Variants in KCNK5 observed in about 807,000 individuals in gnomAD.
KCNK5 encodes potassium two pore domain channel subfamily K member 5.
KCNK5 carries 18 observed loss-of-function variants against 32.9 expected under a neutral mutation model. The observed-to-expected ratio is 0.55, with a 90% CI of 0.38 to 0.81. The LOEUF (loss-of-function observed/expected upper bound fraction) is 0.81. Ranked by LOEUF, KCNK5 falls within the 30% of genes least tolerant of loss-of-function variation. The probability of loss-of-function intolerance (pLI) is 0.00; values close to 1 mark genes in which losing one functional copy is unlikely to be tolerated. For synonymous variants in KCNK5, 276 were observed against 275.3 expected (o/e 1.00, Z -0.03); for missense variants, 507 against 651.0 (o/e 0.78, Z 2.41).
At chr6:39,214,096 A>G (rs1771389148) in intron 1 of KCNK5, among the ~76,000 whole-genome samples, 2 of 152,148 alleles carry the variant, frequency 1.3e-5, no homozygotes, top group Admixed American at 6.5e-5. Context: ...GACCATATGC[A>G]GCAGCTCTCA....
Position 39,229,332 on chromosome 6 carries a change from G to T in KCNK5, c.-221C>A, listed in dbSNP as rs1051803071. 1.7e-6 allele frequency: 1 copy of T among 591,414 alleles called. No homozygotes were observed. Among genetic ancestry groups the T allele is most frequent in the African/African-American group, 1.9e-5 (1 of 53,622 alleles). The allele number at this position is 591,414 out of a possible 1,614,324, so 36.6% of individuals were successfully genotyped here. ...GCGTGGGGCCCCACTCACGCGGCCC[G>T]GGGTGGGCGAACACCAGCGGGGCTG... On this transcript the variant is annotated 5_prime_UTR_variant, in exon 1 of 5. Transcript: ENST00000359534.
At chr6:39,204,108 C>T (rs960300024) in intron 1 of KCNK5, among the ~76,000 whole-genome samples, 6 of 152,262 alleles carry the variant, frequency 3.9e-5, no homozygotes, top group Non-Finnish European at 8.8e-5. Flanking sequence ...GGGCCACACC[C>T]GTCTCCTCGA....
intron 1 of KCNK5, among the ~76,000 whole-genome samples, chr6:39,218,102 G>T (rs1419981600): frequency 3.5e-5 from 5 of 140,890 alleles, no homozygotes; most frequent in Non-Finnish European, 7.6e-5. Context: ...ATGGAGTCTA[G>T]CTTTGTCACC....
intron 2 of KCNK5, among the ~76,000 whole-genome samples, chr6:39,195,470 CCAGT>C (rs1295888722): frequency 6.6e-6 from 1 of 152,210 alleles, no homozygotes; most frequent in Non-Finnish European, 1.5e-5. Flanking sequence ...CCAGCTGAGC[CCAGT>C]CAAGCTGACA....
chr6:39,194,429 A>AG lies in KCNK5; in HGVS notation c.466-93_466-92insC. The AG allele has an allele frequency of 2.0e-6, 3 of 1,468,546 alleles. No individual in the cohort carries two copies. Among genetic ancestry groups the AG allele is most frequent in the Non-Finnish European group, 2.8e-6 (3 of 1,083,382 alleles). 91.0% of individuals were successfully genotyped at this position (1,468,546 alleles called of 1,614,324 possible). On this transcript the variant is annotated intron_variant, in intron 3 of 4. Coordinates refer to ENST00000359534, the MANE Select transcript of KCNK5 (RefSeq NM_003740.4). This position sits in a 1 kb window ranked among gnomAD's most constrained non-coding sequence, Gnocchi z 4.7. ...AGGGCCAGGGAGGCAGCTAGAGGAG[A>AG]AGCTAGCTGGGTACCCAGCCTGACC...
intron 1 of KCNK5, among the ~76,000 whole-genome samples, chr6:39,216,931 G>A (rs529443990): frequency 3.4e-4 from 52 of 152,010 alleles, no homozygotes; most frequent in Non-Finnish European, 5.1e-4. Flanking sequence ...AGAACCGCCT[G>A]ACCAACATGG....
chr6:39,225,824 C>G (rs781237780), intron 1 of KCNK5, among the ~76,000 whole-genome samples: 2 of 152,206 alleles, frequency 1.3e-5, no homozygotes, highest in Non-Finnish European at 1.5e-5. Flanking sequence ...CCGTCCCGCC[C>G]CATAGGCTGT....
chr6:39,222,563 C>T (rs1052948867), intron 1 of KCNK5, among the ~76,000 whole-genome samples: 2 of 152,190 alleles, frequency 1.3e-5, no homozygotes, highest in Non-Finnish European at 2.9e-5. Flanking sequence ...TCATGTGACT[C>T]TCACCTCCCT....
At chr6:39,195,526 T>A (rs1269571896) in intron 2 of KCNK5, among the ~76,000 whole-genome samples, 1 of 152,224 alleles carries the variant, frequency 6.6e-6, no homozygotes, top group African/African-American at 2.4e-5. Context: ...GCCAAACTTC[T>A]GGACTGGTTG....
At chr6:39,225,182 G>A (rs374008087) in intron 1 of KCNK5, among the ~76,000 whole-genome samples, 96 of 152,196 alleles carry the variant, frequency 6.3e-4, no homozygotes, top group African/African-American at 2.1e-3. Flanking sequence ...CCAGCAGCTC[G>A]GAGTGTAGCC....
Position 39,194,456 on chromosome 6 carries a change from G to C in KCNK5, c.466-119C>G, listed in dbSNP as rs1005664561. 24 of 1,410,666 alleles carry C rather than the reference G, an allele frequency of 1.7e-5. No individual in the cohort carries two copies. Among genetic ancestry groups the C allele is most frequent in the Non-Finnish European group, 2.3e-5 (24 of 1,034,028 alleles). The allele number at this position is 1,410,666 out of a possible 1,614,324, so 87.4% of individuals were successfully genotyped here. ...GCTAGCTGGGTACCCAGCCTGACCC[G>C]GGAGGGCAAGGAGCTCTGAAACTAT... On this transcript the variant is annotated intron_variant, in intron 3 of 4. Coordinates refer to ENST00000359534, the MANE Select transcript of KCNK5 (RefSeq NM_003740.4). This position sits in a 1 kb window ranked among gnomAD's most constrained non-coding sequence, Gnocchi z 4.7.
In KCNK5 at chr6:39,223,156, A is replaced by C. The variant is rs551883356; in HGVS notation, c.186+5770T>G. 6.4e-4 allele frequency among the ~76,000 whole-genome samples: 98 copies of C among 152,322 alleles called. 1 individual carries two copies. The highest frequency in any genetic ancestry group is 4.8e-3 in the Admixed American group (74 of 15,304). On this transcript the variant is annotated intron_variant, in intron 1 of 4. Coordinates refer to ENST00000359534, the MANE Select transcript of KCNK5 (RefSeq NM_003740.4). ...AGGGACCGCTCCATTGCAGCATAGG[A>C]ATATCTGGGCATAGCAGAAATGGCA...
chr6:39,213,300 A>C (rs567523932), intron 1 of KCNK5, among the ~76,000 whole-genome samples: 2 of 152,344 alleles, frequency 1.3e-5, no homozygotes, highest in South Asian at 4.1e-4. Context: ...AGAAAATGTG[A>C]GAGGCAGAGA....
rs149232973 is a variant in KCNK5 at position 39,216,803 on chromosome 6, G to A, written c.186+12123C>T. The stretch of plus-strand genomic sequence containing the variant: ...AGTCCTTTCTGTCATCAGTGGATAC[G>A]AACGTTGAGTTCTTTGTAAAAGTTG... On this transcript the variant is annotated intron_variant, in intron 1 of 4. Coordinates refer to ENST00000359534, the MANE Select transcript of KCNK5 (RefSeq NM_003740.4). Among the ~76,000 whole-genome samples the A allele has an allele frequency of 2.8e-4, 43 of 152,222 alleles. No homozygotes were observed. In the East Asian group the frequency reaches 4.5e-3, roughly 16 times the overall value.
chr6:39,209,608 T>C (rs1444003568), intron 1 of KCNK5, among the ~76,000 whole-genome samples: 1 of 152,124 alleles, frequency 6.6e-6, no homozygotes, highest in Admixed American at 6.5e-5. Flanking sequence ...GAAATGGAAA[T>C]TCTTCACTCT....
chr6:39,229,319 A>C lies in KCNK5; in HGVS notation c.-208T>G. On this transcript the variant is annotated 5_prime_UTR_variant, in exon 1 of 5. Coordinates refer to ENST00000359534, the MANE Select transcript of KCNK5 (RefSeq NM_003740.4). The stretch of plus-strand genomic sequence containing the variant: ...AGTGCGGGGAGCTGCGTGGGGCCCC[A>C]CTCACGCGGCCCGGGGTGGGCGAAC... 2 of 615,398 alleles carry C rather than the reference A, an allele frequency of 3.2e-6. No homozygotes were observed. Among genetic ancestry groups the C allele is most frequent in the Admixed American group, 3.0e-5 (1 of 33,180 alleles). The allele number at this position is 615,398 out of a possible 1,614,324, so 38.1% of individuals were successfully genotyped here.
In KCNK5 at chr6:39,229,073, G is replaced by A; in HGVS notation, c.39C>T (p.Ile13=). 1.9e-6 allele frequency: 3 copies of A among 1,614,194 alleles called. No individual in the cohort carries two copies. Among genetic ancestry groups the A allele is most frequent in the East Asian group, 2.2e-5 (1 of 44,882 alleles). Residue 13 remains isoleucine (I), a synonymous_variant, in exon 1 of 5, where the codon ATC becomes ATT. Coordinates refer to ENST00000359534, the MANE Select transcript of KCNK5 (RefSeq NM_003740.4). The part of the protein sequence containing the change: ...DRGPLLTSAI[I]FYLAIGAAIF... Reference sequence around the variant, plus strand: ...TCGCCGCCCCGATGGCCAGGTAGAAGATGATGGCCGAGGTGAGCAGAGGGC... The same window carrying A: ...TCGCCGCCCCGATGGCCAGGTAGAAAATGATGGCCGAGGTGAGCAGAGGGC...
intron 1 of KCNK5, among the ~76,000 whole-genome samples, chr6:39,212,715 A>G (rs1187007746): frequency 1.3e-5 from 2 of 152,016 alleles, no homozygotes; most frequent in South Asian, 4.2e-4. Context: ...AACACTGGAA[A>G]CAGCCGGATG....
chr6:39,217,889 G>A (rs1382333610), intron 1 of KCNK5, among the ~76,000 whole-genome samples: 2 of 152,168 alleles, frequency 1.3e-5, no homozygotes, highest in African/African-American at 4.8e-5. Context: ...CCCAGCCTGG[G>A]GTTCAACACA....
Sources: allele counts gnomAD v4.1 joint callset (sites outside exome capture counted in the v4.1 genomes callset), GRCh38; gene constraint gnomAD v4.1.1; non-coding constraint Gnocchi (gnomAD v3.1); transcripts MANE v1.5; gene names NCBI Gene and HGNC (gene_info 2026-07-23, HGNC 2026-07-21).